Variants in RYR3 observed in about 807,000 individuals in gnomAD.
The protein encoded by RYR3 is ryanodine receptor 3, also known as brain ryanodine receptor-calcium release channel.
In RYR3, 207 loss-of-function variants were observed where a neutral mutation model predicts 584.3. That is an observed-to-expected ratio of 0.35 (90% CI 0.32 to 0.40). RYR3 has a LOEUF of 0.40. Among genes scored for constraint, RYR3 ranks in the 10% least tolerant of loss-of-function variants. The pLI, the probability that RYR3 is intolerant of heterozygous loss-of-function variation, is 1.00. For missense variants in RYR3, 5,616 were observed against 6,089.2 expected (o/e 0.92, Z 2.59); for synonymous variants, 2,416 against 2,248.5 (o/e 1.07, Z -2.11).
At chr15:33,339,021 G>A (rs1209637217) in intron 1 of RYR3, among the ~76,000 whole-genome samples, 4 of 152,198 alleles carry the variant, frequency 2.6e-5, no homozygotes, top group African/African-American at 9.6e-5. Context: ...GGGAGTCAGA[G>A]GGCTTCCGAA....
chr15:33,436,578 G>A (rs1371266650), intron 1 of RYR3, among the ~76,000 whole-genome samples: 1 of 148,208 alleles, frequency 6.7e-6, no homozygotes, highest in Admixed American at 6.8e-5. Context: ...TTGGCTCACT[G>A]CAACCTCCGC....
At position 33,580,102 on chromosome 15, in the gene RYR3, G is replaced by A. The variant is rs767892838; in HGVS notation, c.1395G>A (p.Lys465=). Reference sequence around the variant, plus strand: ...TGCGACATGAAGACAAGCAGAACAAGCTCCGCTCACTCAAAAACAGACAAA... The same window carrying A: ...TGCGACATGAAGACAAGCAGAACAAACTCCGCTCACTCAAAAACAGACAAA... ...EEMRHEDKQN[K]LRSLKNRQNL... Residue 465 remains lysine (K), a synonymous_variant, in exon 13 of 104, where the codon AAG becomes AAA. Transcript: ENST00000634891. The A allele has an allele frequency of 1.1e-5, 18 of 1,612,658 alleles. No individual in the cohort carries two copies. Among genetic ancestry groups the A allele is most frequent in the African/African-American group, 5.3e-5 (4 of 75,014 alleles).
chr15:33,781,859 A>AGG (rs1315417157), intron 65 of RYR3, among the ~76,000 whole-genome samples: 55 of 126,782 alleles, frequency 4.3e-4, no homozygotes, highest in Middle Eastern at 4.4e-3. Context: ...AAAAAAAAAA[A>AGG]GGGGGGGGGG....
At chr15:33,594,735 A>G (rs1260266640) in intron 16 of RYR3, among the ~76,000 whole-genome samples, 2 of 152,196 alleles carry the variant, frequency 1.3e-5, no homozygotes. Flanking sequence ...AGTTTCAAAC[A>G]AGATAAAACA....
At chr15:33,426,680 G>A (rs978084839) in intron 1 of RYR3, among the ~76,000 whole-genome samples, 1 of 152,216 alleles carries the variant, frequency 6.6e-6, no homozygotes, top group Non-Finnish European at 1.5e-5. Context: ...CAGCTGATTA[G>A]TGGCAGAACC....
Position 33,564,403 on chromosome 15 carries a change from G to T in RYR3, c.1146+1393G>T, listed in dbSNP as rs147495124. Among the ~76,000 whole-genome samples the T allele has an allele frequency of 3.0e-3, 453 of 152,300 alleles. 4 individuals are homozygous for T. The highest frequency in any genetic ancestry group is 0.01 in the African/African-American group (436 of 41,552). On this transcript the variant is annotated intron_variant, in intron 11 of 103. Transcript: ENST00000634891. ...CAAGTCAGGGTTCGGGGTATGACAA[G>T]TTGGAATTGCCCTGGAAAATACAGT...
intron 38 of RYR3, among the ~76,000 whole-genome samples, chr15:33,693,376 G>A (rs2065590471): frequency 6.6e-6 from 1 of 152,232 alleles, no homozygotes; most frequent in South Asian, 2.1e-4. Context: ...TATGGGGTCT[G>A]CATGGCAGCC....
At chr15:33,856,694 C>G (rs1378543437) in intron 98 of RYR3, 1 of 156,122 alleles carries the variant, frequency 6.4e-6, no homozygotes, top group Non-Finnish European at 1.4e-5. Context: ...GAGTCTCACT[C>G]TGCCACAAGG....
Position 33,728,952 on chromosome 15 carries a change from G to A in RYR3, c.7129G>A (p.Asp2377Asn), listed in dbSNP as rs781153770. 4 of 1,613,906 alleles carry A rather than the reference G, an allele frequency of 2.5e-6. No homozygotes were observed. Among genetic ancestry groups the A allele is most frequent in the South Asian group, 1.1e-5 (1 of 91,052 alleles). The change falls in exon 47 of 104, where the codon GAT becomes AAT. Residue 2377 changes from aspartate (D) to asparagine (N), a missense_variant. Asp to Asn is a conservative substitution (Grantham distance 23). This residue lies in a region of RYR3 where 1,280 missense variants were observed against 1,426.2 expected (regional missense o/e 0.90). Transcript: ENST00000634891. Reference sequence around the variant, plus strand: ...CTTGGACCGCGTTTATGGCATTAAGGATCAAACTTTTCTGCTCCACTTGCT... The same window carrying A: ...CTTGGACCGCGTTTATGGCATTAAGAATCAAACTTTTCTGCTCCACTTGCT... ...LFLDRVYGIKDQTFLLHLLEV... is the reference protein window; with the variant it reads ...LFLDRVYGIKNQTFLLHLLEV...
At chr15:33,631,410 A>G (rs780274322) in intron 23 of RYR3, 117 bp downstream of exon 23, 1 of 628,548 alleles carries the variant, frequency 1.6e-6, no homozygotes, top group Non-Finnish European at 2.7e-6. Context: ...CCAGCTCAGA[A>G]GGGCTCCCCT....
intron 10 of RYR3, among the ~76,000 whole-genome samples, chr15:33,561,035 TTG>T (rs1239225653): frequency 2.6e-5 from 4 of 152,242 alleles, no homozygotes; most frequent in Non-Finnish European, 5.9e-5. Context: ...CGAAATAATT[TTG>T]TTTTTATGAA....
intron 1 of RYR3, among the ~76,000 whole-genome samples, chr15:33,442,612 G>T (rs1418814960): frequency 6.6e-6 from 1 of 152,156 alleles, no homozygotes; most frequent in East Asian, 1.9e-4. Flanking sequence ...GATTATAGCC[G>T]CCTGACCATA....
At chr15:33,502,118 C>T (rs2052041250) in intron 2 of RYR3, among the ~76,000 whole-genome samples, 1 of 152,110 alleles carries the variant, frequency 6.6e-6, no homozygotes, top group South Asian at 2.1e-4. Context: ...ATGTACGTCA[C>T]CCAGAGCCAG....
At chr15:33,490,959 G>A (rs1273816552) in intron 2 of RYR3, among the ~76,000 whole-genome samples, 2 of 152,100 alleles carry the variant, frequency 1.3e-5, no homozygotes, top group African/African-American at 4.8e-5. Flanking sequence ...TTTGAAGGGT[G>A]GTGGTTCCCA....
rs559144406 is a variant in RYR3 at position 33,853,047 on chromosome 15, C to A, written c.13631C>A (p.Ser4544Tyr). The A allele has an allele frequency of 1.9e-6, 3 of 1,605,922 alleles. No homozygotes were observed. The highest frequency in any genetic ancestry group is 1.7e-5 in the Admixed American group (1 of 58,746). The change falls in exon 95 of 104, where the codon TCT (serine) becomes TAT (tyrosine). Residue 4544 changes from serine to tyrosine, a missense_variant and splice_region_variant. Physicochemically the swap from Ser to Tyr is moderately radical, Grantham distance 144. Coordinates refer to ENST00000634891, the MANE Select transcript of RYR3 (RefSeq NM_001036.6). ...ACCTTTTTCGTTTTGTTTTTCAGATCTTTTCCTAATAACTACTGGGACAAG... is the reference window on the plus strand; with the variant it reads ...ACCTTTTTCGTTTTGTTTTTCAGATATTTTCCTAATAACTACTGGGACAAG... ...QWDRLVINTPSFPNNYWDKFV... is the reference protein window; with the variant it reads ...QWDRLVINTPYFPNNYWDKFV...
At chr15:33,696,059 T>G (rs181324317) in intron 38 of RYR3, among the ~76,000 whole-genome samples, 159 bp from the exon 39 acceptor site, 116 of 150,252 alleles carry the variant, frequency 7.7e-4, no homozygotes, top group African/African-American at 2.6e-3. Context: ...CCTCCCAAAT[T>G]GCTAGGATTA....
chr15:33,694,300 A>G (rs1246977486), intron 38 of RYR3, among the ~76,000 whole-genome samples: 1 of 149,424 alleles, frequency 6.7e-6, no homozygotes, highest in Admixed American at 6.7e-5. Flanking sequence ...GCTGGAGTGC[A>G]GTGGTGCAAT....
chr15:33,423,072 C>T (rs1261409534), intron 1 of RYR3, among the ~76,000 whole-genome samples: 4 of 152,118 alleles, frequency 2.6e-5, no homozygotes, highest in African/African-American at 9.7e-5. Flanking sequence ...TAAGTACTTA[C>T]ACAATGTTTT....
chr15:33,470,155 A>G (rs951178657), intron 1 of RYR3, among the ~76,000 whole-genome samples: 5 of 152,234 alleles, frequency 3.3e-5, no homozygotes, highest in African/African-American at 1.2e-4. Context: ...AGAGAATCAT[A>G]TTCTTATCCT....
Sources: allele counts gnomAD v4.1 joint callset (sites outside exome capture counted in the v4.1 genomes callset), GRCh38; gene constraint gnomAD v4.1.1; regional missense constraint gnomAD v4.1.1; transcripts MANE v1.5; gene names NCBI Gene and HGNC (gene_info 2026-07-23, HGNC 2026-07-21).